Variants in COPS7A observed in about 807,000 individuals in gnomAD.
COPS7A encodes COP9 signalosome subunit 7A, also known as COP9 signalosome complex subunit 7a.
COPS7A carries 20 observed loss-of-function variants against 35.2 expected under a neutral mutation model. The ratio of observed to expected loss-of-function variants is 0.57; its 90% confidence interval spans 0.40 to 0.83. The LOEUF (loss-of-function observed/expected upper bound fraction) is 0.83. Among genes scored for constraint, COPS7A ranks in the 40% least tolerant of loss-of-function variants. The probability of loss-of-function intolerance (pLI) is 0.00; values close to 1 mark genes in which losing one functional copy is unlikely to be tolerated. For missense variants in COPS7A, 247 were observed against 347.5 expected, an observed-to-expected ratio of 0.71 and a Z score of 2.30; for synonymous variants, 139 against 141.4, an observed-to-expected ratio of 0.98 and a Z score of 0.12.
In COPS7A at chr12:6,724,605, T is replaced by C; in HGVS notation, c.-43-9T>C. 1 of 1,611,510 alleles carries C rather than the reference T, an allele frequency of 6.2e-7. No homozygotes were observed. The highest frequency in any genetic ancestry group is 8.5e-7 in the Non-Finnish European group (1 of 1,178,066). ...GGGACCTCTAGCTTCACATCCTCTT[T>C]CCTTGCAGCTCTGGACATCCTGAGC... is the stretch of plus-strand genomic sequence containing the variant. On this transcript the variant is annotated splice_polypyrimidine_tract_variant and intron_variant, in intron 1 of 7. Coordinates refer to ENST00000543155, the MANE Select transcript of COPS7A (RefSeq NM_001164094.2).
rs542557133 is a variant in COPS7A at position 6,729,371 on chromosome 12, G to A, written c.452G>A (p.Arg151Gln). Residue 151 changes from arginine to glutamine, a missense_variant, in exon 5 of 8, where the codon CGG (arginine) becomes CAG (glutamine). Coordinates refer to ENST00000543155, the MANE Select transcript of COPS7A (RefSeq NM_001164094.2). The surrounding 1 kb of genome is among the most constrained non-coding windows in gnomAD (Gnocchi z 4.2). ...GGCTCCCTGGACCAGCGCAACCAGC[G>A]GCTCGAGGTTGACTACAGCATCGGG... ...LRGSLDQRNQRLEVDYSIGRD... is the reference protein window; with the variant it reads ...LRGSLDQRNQQLEVDYSIGRD... 3.7e-6 allele frequency: 6 copies of A among 1,614,176 alleles called. No individual in the cohort carries two copies. The highest frequency in any genetic ancestry group is 1.3e-5 in the African/African-American group (1 of 75,054).
In COPS7A at chr12:6,730,803, A is replaced by G. The variant is rs762268025; in HGVS notation, c.771A>G (p.Lys257=). 6.2e-7 allele frequency: 1 copy of G among 1,614,172 alleles called. No homozygotes were observed. The highest frequency in any genetic ancestry group is 1.7e-5 in the Admixed American group (1 of 60,020). The change falls in exon 7 of 8, where the codon AAA becomes AAG. Residue 257 remains lysine (K), a synonymous_variant. Transcript: ENST00000543155. Reference sequence around the variant, plus strand: ...CCAACCAGCGCCAGCCCAGCAAGAAAGCCTCAAAGGGCAAGGGGTGAGCCA... The same window carrying G: ...CCAACCAGCGCCAGCCCAGCAAGAAGGCCTCAAAGGGCAAGGGGTGAGCCA... ...PGTNQRQPSK[K]ASKGKGLRGS... is the part of the protein sequence containing the mutation.
Position 6,729,262 on chromosome 12 carries a change from G to A in COPS7A, c.343G>A (p.Val115Met), listed in dbSNP as rs773225678. ...AAKVKCIPYA[V>M]LLEALALRNV... Reference sequence around the variant, plus strand: ...GCGGCCCCAGTGTATCCCATATGCAGTGTTGCTGGAGGCTCTTGCCCTGCG... The same window carrying A: ...GCGGCCCCAGTGTATCCCATATGCAATGTTGCTGGAGGCTCTTGCCCTGCG... The change falls in exon 5 of 8, where the codon GTG becomes ATG. Residue 115 changes from valine to methionine, a missense_variant. Transcript: ENST00000543155. The surrounding 1 kb of genome is among the most constrained non-coding windows in gnomAD (Gnocchi z 4.2). 1.2e-6 allele frequency: 2 copies of A among 1,614,164 alleles called. No individual in the cohort carries two copies. Among genetic ancestry groups the A allele is most frequent in the Admixed American group, 3.3e-5 (2 of 60,002 alleles).
In COPS7A at chr12:6,731,072, G is replaced by T. The variant is rs1276337200; in HGVS notation, c.*33G>T. The T allele has an allele frequency of 6.2e-7, 1 of 1,613,970 alleles. No individual in the cohort carries two copies. Among genetic ancestry groups the T allele is most frequent in the Non-Finnish European group, 8.5e-7 (1 of 1,179,954 alleles). ...GTCGTTTCCTCCCTGGGGATGTGGG[G>T]TCCCAGCTGCCTGCCTGCCTCTTAG... On this transcript the variant is annotated 3_prime_UTR_variant, in exon 8 of 8. Transcript: ENST00000543155.
At chr12:6,724,590 G>C (rs530240037) in intron 1 of COPS7A, 24 bp from the exon 2 acceptor site, 2 of 1,604,496 alleles carry the variant, frequency 1.2e-6, no homozygotes, top group East Asian at 4.5e-5. Context: ...GGGACCTCTA[G>C]CTTCACATCC....
At chr12:6,730,179 G>A (rs1941357440) in intron 5 of COPS7A, among the ~76,000 whole-genome samples, 1 of 152,164 alleles carries the variant, frequency 6.6e-6, no homozygotes, top group Non-Finnish European at 1.5e-5. Context: ...ACCACATCCA[G>A]CTAGTTTTTG....
Position 6,731,208 on chromosome 12 carries a change from A to G in COPS7A, c.*169A>G. ...TCACACCTTCTCTAGGGAGGAGGCA[A>G]ATGTAGGTCATGTTTTTGTTGGTAC... is the stretch of plus-strand genomic sequence containing the variant. On this transcript the variant is annotated 3_prime_UTR_variant, in exon 8 of 8. Transcript: ENST00000543155. The G allele has an allele frequency of 6.7e-7, 1 of 1,492,200 alleles. No homozygotes were observed. The highest frequency in any genetic ancestry group is 8.9e-7 in the Non-Finnish European group (1 of 1,120,328). The allele number at this position is 1,492,200 out of a possible 1,614,324, so 92.4% of individuals were successfully genotyped here. A position where few individuals can be genotyped will look rare whatever the true frequency, so the allele number is the denominator to read the frequency against.
rs749811660 is a variant in COPS7A at position 6,728,218 on chromosome 12, C to T, written c.239-5C>T. 1.1e-5 allele frequency: 17 copies of T among 1,613,502 alleles called. No homozygotes were observed. In the South Asian group the frequency reaches 1.3e-4, roughly 13 times the overall value. On this transcript the variant is annotated splice_region_variant and splice_polypyrimidine_tract_variant and intron_variant, in intron 3 of 7. Transcript: ENST00000543155. ...GATTCCTTACACTTTGTCGTTTTTC[C>T]CTAGCTGAAGCCCGGAATCTTCCTC...
At position 6,730,518 on chromosome 12, in the gene COPS7A, A is replaced by G. The variant is rs779854611; in HGVS notation, c.636+11A>G. 2 of 1,613,944 alleles carry G rather than the reference A, an allele frequency of 1.2e-6. No individual in the cohort carries two copies. Among genetic ancestry groups the G allele is most frequent in the South Asian group, 1.1e-5 (1 of 91,076 alleles). On this transcript the variant is annotated intron_variant, in intron 6 of 7. Coordinates refer to ENST00000543155, the MANE Select transcript of COPS7A (RefSeq NM_001164094.2). The stretch of plus-strand genomic sequence containing the variant: ...CAGATTGAGAGTGAGGTGAGCAGTC[A>G]GGGGAGCAGGCAGACCCAAACTCCT...
chr12:6,724,073 T>G lies in COPS7A; in HGVS notation c.-150T>G, dbSNP rs934534765. 2 of 217,182 alleles carry G rather than the reference T, an allele frequency of 9.2e-6. No homozygotes were observed. Among genetic ancestry groups the G allele is most frequent in the Non-Finnish European group, 1.9e-5 (2 of 104,900 alleles). 13.5% of individuals were successfully genotyped at this position (217,182 alleles called of 1,614,324 possible). A position where few individuals can be genotyped will look rare whatever the true frequency, so the allele number is the denominator to read the frequency against. ...TGGCCAGAGCGACTCTTCAGGGAGG[T>G]GGCAGGAAAGGCTTGGAACAGCTGC... On this transcript the variant is annotated 5_prime_UTR_variant, in exon 1 of 8. Coordinates refer to ENST00000543155, the MANE Select transcript of COPS7A (RefSeq NM_001164094.2).
At chr12:6,725,351 A>G (rs144590256) in intron 2 of COPS7A, among the ~76,000 whole-genome samples, 2,524 of 151,762 alleles carry the variant, frequency 0.017, 93 homozygotes, top group Admixed American at 0.081. Context: ...TAGAGATGGG[A>G]TTTCACTGTG....
chr12:6,729,435 A>T lies in COPS7A; in HGVS notation c.516A>T (p.Arg172=). The T allele has an allele frequency of 1.2e-6, 2 of 1,613,788 alleles. No homozygotes were observed. The highest frequency in any genetic ancestry group is 1.7e-6 in the Non-Finnish European group (2 of 1,180,026). ...GCCAGGACCTCAGTGCCATTGCCCG[A>T]ACCCTGCAGGAATGGTGAGAACCGT... ...IQRQDLSAIA[R]TLQEWCVGCE... Residue 172 remains arginine, a synonymous_variant, in exon 5 of 8, where the codon CGA becomes CGT. Coordinates refer to ENST00000543155, the MANE Select transcript of COPS7A (RefSeq NM_001164094.2). The surrounding 1 kb of genome is among the most constrained non-coding windows in gnomAD (Gnocchi z 4.2).
intron 3 of COPS7A, 98 bp from the exon 4 acceptor site, chr12:6,728,125 A>G (rs1313402573): frequency 6.9e-7 from 1 of 1,446,046 alleles, no homozygotes; most frequent in Non-Finnish European, 9.7e-7. Context: ...CAGGGTCAAG[A>G]CCTGAATTGG....
intron 1 of COPS7A, chr12:6,724,400 G>A (rs777335821): frequency 7.2e-6 from 4 of 558,094 alleles, no homozygotes; most frequent in Non-Finnish European, 1.3e-5. Context: ...TGCACGTGAT[G>A]GGGCTTGGGG....
Position 6,728,012 on chromosome 12 carries a change from G to T in COPS7A, c.238+11G>T. On this transcript the variant is annotated intron_variant, in intron 3 of 7. Coordinates refer to ENST00000543155, the MANE Select transcript of COPS7A (RefSeq NM_001164094.2). ...ACGCTGACTACTTAGGTAACCAGAG[G>T]GGTTGGTGCTCTGGAGTAATGGAGA... 2 of 1,613,240 alleles carry T rather than the reference G, an allele frequency of 1.2e-6. No homozygotes were observed.
Position 6,731,105 on chromosome 12 carries a change from C to CA in COPS7A, c.*67dup. ...TGCCTGCCTGCCTCTTAGGAGTCCT[C>CA]AGAGAGCCTTCTGTGCCCCTGGCCA... On this transcript the variant is annotated 3_prime_UTR_variant, in exon 8 of 8. Transcript: ENST00000543155. 1 of 1,613,656 alleles carries CA rather than the reference C, an allele frequency of 6.2e-7. No homozygotes were observed.
intron 6 of COPS7A, 44 bp from the exon 7 acceptor site, chr12:6,730,625 T>G (rs748743191): frequency 1.9e-6 from 3 of 1,612,994 alleles, no homozygotes; most frequent in Admixed American, 1.7e-5. Flanking sequence ...GGCTGGAAGG[T>G]TCTGGAACCT....
chr12:6,724,547 T>G, intron 1 of COPS7A, 67 bp from the exon 2 acceptor site: 1 of 1,333,972 alleles, frequency 7.5e-7, no homozygotes, highest in Non-Finnish European at 1.1e-6. Flanking sequence ...ATCCAGTCCC[T>G]CAGCCTTGTG....
At chr12:6,725,978 G>A (rs931029910) in intron 2 of COPS7A, 1 of 449,582 alleles carries the variant, frequency 2.2e-6, no homozygotes, top group African/African-American at 2.0e-5. Context: ...ATCACCTGAG[G>A]GCAGGAGGTG....
Sources: gnomAD v4.1 joint callset for allele counts (sites outside exome capture counted in the v4.1 genomes callset) on GRCh38, gnomAD v4.1.1 for gene constraint, Gnocchi (gnomAD v3.1) non-coding constraint, MANE v1.5 for transcripts, NCBI Gene and HGNC (gene_info 2026-07-23, HGNC 2026-07-21) for gene names.